The following GNG4 variants were observed in gnomAD, a reference collection of about 807,000 sequenced individuals.
GNG4 encodes the protein guanine nucleotide-binding protein G(I)/G(S)/G(O) subunit gamma-4.
GNG4 carries 4 observed loss-of-function variants against 5.8 expected under a neutral mutation model. The observed-to-expected ratio is 0.69, with a 90% CI of 0.34 to 1.57. GNG4 has a LOEUF of 1.57. Ranked by LOEUF, GNG4 falls within the 40% of genes most tolerant of loss-of-function variation. GNG4 has a pLI of 0.06. For missense variants in GNG4, 96 were observed against 95.1 expected (o/e 1.01, Z -0.04); for synonymous variants, 29 against 32.9 (o/e 0.88, Z 0.41).
At chr1:235,597,399 A>C (rs1178649500) in intron 1 of GNG4, among the ~76,000 whole-genome samples, 87 of 119,026 alleles carry the variant, frequency 7.3e-4, no homozygotes, top group South Asian at 1.4e-3. Flanking sequence ...TGTCCCCCCT[A>C]CCCCCCCCAA....
intron 3 of GNG4, among the ~76,000 whole-genome samples, chr1:235,562,545 T>C (rs1687091010): frequency 6.7e-6 from 1 of 148,956 alleles, no homozygotes; most frequent in South Asian, 2.1e-4. Context: ...CTCAGGAGGC[T>C]GAGGCAGGAG....
intron 1 of GNG4, among the ~76,000 whole-genome samples, chr1:235,633,717 G>T (rs1688977786): frequency 6.6e-6 from 1 of 152,052 alleles, no homozygotes; most frequent in Non-Finnish European, 1.5e-5. Flanking sequence ...TCAAACCCTT[G>T]GCCTCTTGCA....
chr1:235,592,564 G>A (rs1687997903), intron 2 of GNG4, among the ~76,000 whole-genome samples: 1 of 152,078 alleles, frequency 6.6e-6, no homozygotes, highest in South Asian at 2.1e-4. Context: ...CTGCCCACAA[G>A]CCAGAGCTAA....
Position 235,572,622 on chromosome 1 carries a change from C to T in GNG4, c.99+11118G>A, listed in dbSNP as rs941243987. On this transcript the variant is annotated intron_variant, in intron 3 of 3. Coordinates refer to ENST00000391854, the MANE Select transcript of GNG4 (RefSeq NM_001098722.2). ...GTTCAAGCAATTCTCATGCCTCAGC[C>T]CCCTGAGAAGCTGGGACTACAGGTG... 2.0e-5 allele frequency among the ~76,000 whole-genome samples: 3 copies of T among 151,868 alleles called. 1 individual carries two copies. Among genetic ancestry groups the T allele is most frequent in the African/African-American group, 7.3e-5 (3 of 41,288 alleles).
Position 235,602,097 on chromosome 1 carries a change from C to A in GNG4, c.-122-6586G>T, listed in dbSNP as rs370907746. ...GACCAGCCTGGCCAACATAGTGAAACCCCGTCTCTACTAAAAATACAAAAA... is the reference window on the plus strand; with the variant it reads ...GACCAGCCTGGCCAACATAGTGAAAACCCGTCTCTACTAAAAATACAAAAA... On this transcript the variant is annotated intron_variant, in intron 1 of 3. Transcript: ENST00000391854. Among the ~76,000 whole-genome samples the A allele has an allele frequency of 1.9e-3, 291 of 152,230 alleles. 2 individuals carry two copies. The highest frequency in any genetic ancestry group is 0.01 in the Middle Eastern group (3 of 294).
rs529308991 is a variant in GNG4 at position 235,623,704 on chromosome 1, G to A, written c.-123+25958C>T. Among the ~76,000 whole-genome samples the A allele has an allele frequency of 3.3e-5, 5 of 152,246 alleles. No homozygotes were observed. In the East Asian group the frequency reaches 7.7e-4, roughly 24 times the overall value. On this transcript the variant is annotated intron_variant, in intron 1 of 3. Transcript: ENST00000391854. ...TCCAGGGAATCTTTCCTGACCTCCAGAGGATCTTTCCTGACCACTTTCACC... is the reference window on the plus strand; with the variant it reads ...TCCAGGGAATCTTTCCTGACCTCCAAAGGATCTTTCCTGACCACTTTCACC...
intron 1 of GNG4, among the ~76,000 whole-genome samples, chr1:235,603,258 TAATTAATAATAA>T (rs1020545487): frequency 2.8e-5 from 3 of 108,828 alleles, no homozygotes; most frequent in Non-Finnish European, 6.1e-5. Context: ...ATGATAATAA[TAATTAATAATAA>T]TAATAATAAT....
At chr1:235,585,656 G>A (rs761122855) in intron 2 of GNG4, among the ~76,000 whole-genome samples, 19 of 152,130 alleles carry the variant, frequency 1.2e-4, no homozygotes, top group Non-Finnish European at 2.6e-4. Context: ...ACTCCACTGT[G>A]TGGATATACT....
chr1:235,578,906 T>G (rs1687551119), intron 3 of GNG4, among the ~76,000 whole-genome samples: 1 of 152,140 alleles, frequency 6.6e-6, no homozygotes, highest in South Asian at 2.1e-4. Context: ...GAGACCAGCC[T>G]GGCCAACATG....
In GNG4 at chr1:235,549,628, T is replaced by C. The variant is rs1027415118; in HGVS notation, c.*2481A>G. On this transcript the variant is annotated 3_prime_UTR_variant, in exon 4 of 4. Coordinates refer to ENST00000391854, the MANE Select transcript of GNG4 (RefSeq NM_001098722.2). Reference sequence around the variant, plus strand: ...TCCTAGCGTCACATCCAGCATACAATTCTGCTCTAGTTTGAGCATCTTAAC... The same window carrying C: ...TCCTAGCGTCACATCCAGCATACAACTCTGCTCTAGTTTGAGCATCTTAAC... 7.5e-6 allele frequency: 1 copy of C among 132,664 alleles called. No individual in the cohort carries two copies. The highest frequency in any genetic ancestry group is 1.8e-5 in the Non-Finnish European group (1 of 56,560). 8.2% of individuals were successfully genotyped at this position (132,664 alleles called of 1,614,324 possible).
chr1:235,576,563 T>C (rs1486739226), intron 3 of GNG4, among the ~76,000 whole-genome samples: 2 of 152,222 alleles, frequency 1.3e-5, no homozygotes, highest in Non-Finnish European at 2.9e-5. Context: ...ACAGGTTCTA[T>C]GGTGAATCCT....
At chr1:235,555,960 T>G (rs1686893270) in intron 3 of GNG4, among the ~76,000 whole-genome samples, 1 of 151,974 alleles carries the variant, frequency 6.6e-6, no homozygotes, top group East Asian at 2.0e-4. Flanking sequence ...CTCTGCCTCC[T>G]GGTTTCAAAC....
chr1:235,600,570 G>A (rs1215125986), intron 1 of GNG4, among the ~76,000 whole-genome samples: 2 of 151,934 alleles, frequency 1.3e-5, no homozygotes, highest in Admixed American at 1.3e-4. Flanking sequence ...GTCTGGAGTA[G>A]TTAGGACTAC....
chr1:235,557,565 C>A (rs1309855391), intron 3 of GNG4, among the ~76,000 whole-genome samples: 2 of 152,080 alleles, frequency 1.3e-5, no homozygotes, highest in Non-Finnish European at 2.9e-5. Flanking sequence ...TCCAGCTGGT[C>A]AGAAGTTGGC....
chr1:235,617,465 T>A (rs978754352), intron 1 of GNG4, among the ~76,000 whole-genome samples: 3 of 152,124 alleles, frequency 2.0e-5, no homozygotes, highest in African/African-American at 7.2e-5. Context: ...TGAGCTAATG[T>A]GGAGGTAATG....
At chr1:235,618,953 G>A (rs1252268783) in intron 1 of GNG4, among the ~76,000 whole-genome samples, 4 of 150,494 alleles carry the variant, frequency 2.7e-5, no homozygotes, top group Admixed American at 6.6e-5. Context: ...ACTGCACGCC[G>A]CCAGTGAGTT....
chr1:235,567,356 G>C (rs753910268), intron 3 of GNG4, among the ~76,000 whole-genome samples: 1 of 152,100 alleles, frequency 6.6e-6, no homozygotes, highest in South Asian at 2.1e-4. Flanking sequence ...CTATTTTTAA[G>C]TATATAGTTC....
chr1:235,566,783 T>TC (rs1239089101), intron 3 of GNG4: 1 of 152,422 alleles, frequency 6.6e-6, no homozygotes, highest in African/African-American at 2.4e-5. Flanking sequence ...TCAAGCCCAG[T>TC]CTCATACAGA....
intron 1 of GNG4, among the ~76,000 whole-genome samples, chr1:235,624,625 C>A (rs1479515602): frequency 6.6e-6 from 1 of 152,104 alleles, no homozygotes; most frequent in African/African-American, 2.4e-5. Flanking sequence ...TTTTTACATT[C>A]CTGAAGAATT....
Sources: gnomAD v4.1 joint callset for allele counts (sites outside exome capture counted in the v4.1 genomes callset) on GRCh38, gnomAD v4.1.1 for gene constraint, MANE v1.5 for transcripts, NCBI Gene and HGNC (gene_info 2026-07-23, HGNC 2026-07-21) for gene names.